Variants in HLTF observed in about 807,000 individuals in gnomAD.
The protein encoded by HLTF is helicase like transcription factor.
In HLTF, 127 loss-of-function variants were observed where a neutral mutation model predicts 129.4. That is an observed-to-expected ratio of 0.98 (90% confidence interval 0.85 to 1.14). HLTF has a LOEUF of 1.14. HLTF is among the 50% of genes most tolerant of loss of function. The probability of loss-of-function intolerance (pLI) is 0.00; values close to 1 mark genes in which losing one functional copy is unlikely to be tolerated. For synonymous variants in HLTF, 332 were observed against 388.8 expected (o/e 0.85, Z 1.72); for missense variants, 1,139 against 1,187.1 (o/e 0.96, Z 0.60).
intron 8 of HLTF, among the ~76,000 whole-genome samples, chr3:149,067,220 G>A (rs1271134244): frequency 6.6e-6 from 1 of 150,856 alleles, no homozygotes; most frequent in African/African-American, 2.4e-5. Flanking sequence ...AAATTTTCAA[G>A]AAAAGTCACC....
chr3:149,057,391 A>G (rs1444428513), intron 13 of HLTF, among the ~76,000 whole-genome samples: 1 of 152,148 alleles, frequency 6.6e-6, no homozygotes, highest in African/African-American at 2.4e-5. Flanking sequence ...GCACCACTGC[A>G]CTCTAGCCTG....
At chr3:149,051,096 G>A (rs1432550108) in intron 14 of HLTF, among the ~76,000 whole-genome samples, 1 of 152,024 alleles carries the variant, frequency 6.6e-6, no homozygotes, top group Non-Finnish European at 1.5e-5. Flanking sequence ...AAGGACAGGT[G>A]TGAAAAACAG....
intron 2 of HLTF, among the ~76,000 whole-genome samples, chr3:149,078,248 T>C (rs1719554474): frequency 6.6e-6 from 1 of 152,298 alleles, no homozygotes; most frequent in Admixed American, 6.5e-5. Context: ...TCAGTTATTT[T>C]AAATATGTTC....
intron 4 of HLTF, among the ~76,000 whole-genome samples, chr3:149,073,983 T>C (rs1355223968): frequency 6.6e-6 from 1 of 152,162 alleles, no homozygotes; most frequent in Admixed American, 6.5e-5. Flanking sequence ...ATACTTTTTC[T>C]TTAATTTTTT....
intron 23 of HLTF, 57 bp downstream of exon 23, chr3:149,038,992 G>T: frequency 2.9e-6 from 3 of 1,032,948 alleles, no homozygotes; most frequent in South Asian, 2.2e-5. Context: ...ATAGTTTTTT[G>T]TCTTATTTTT....
intron 15 of HLTF, 105 bp from the exon 16 acceptor site, chr3:149,049,106 T>G (rs1470677679): frequency 1.4e-6 from 1 of 731,020 alleles, no homozygotes; most frequent in East Asian, 2.7e-5. Flanking sequence ...AAATTTACTA[T>G]GTGCTAGGTA....
Position 149,065,605 on chromosome 3 carries a change from G to A in HLTF, c.991-739C>T, listed in dbSNP as rs543839545. 5.9e-4 allele frequency among the ~76,000 whole-genome samples: 90 copies of A among 152,174 alleles called. 1 individual carries two copies. Among genetic ancestry groups the A allele is most frequent in the African/African-American group, 2.0e-3 (81 of 41,520 alleles). ...AGCACTTTGGGAGACCGAGGCGGGCGGATCACCTAAGATCAGGAGCTCGAG... is the reference window on the plus strand; with the variant it reads ...AGCACTTTGGGAGACCGAGGCGGGCAGATCACCTAAGATCAGGAGCTCGAG... On this transcript the variant is annotated intron_variant, in intron 8 of 24. Transcript: ENST00000310053.
chr3:149,080,913 A>G (rs2108071176), intron 2 of HLTF, among the ~76,000 whole-genome samples: 1 of 152,330 alleles, frequency 6.6e-6, no homozygotes, highest in Admixed American at 6.5e-5. Context: ...CATTTCAGCA[A>G]TGACAGACCA....
At chr3:149,061,595 G>C (rs1684015035) in intron 10 of HLTF, among the ~76,000 whole-genome samples, 2 of 151,946 alleles carry the variant, frequency 1.3e-5, no homozygotes, top group South Asian at 4.2e-4. Flanking sequence ...CAGCACTTTG[G>C]GAGGCGGAGG....
intron 7 of HLTF, among the ~76,000 whole-genome samples, 156 bp from the exon 8 acceptor site, chr3:149,068,491 T>A (rs1046120784): frequency 6.6e-6 from 1 of 152,232 alleles, no homozygotes; most frequent in African/African-American, 2.4e-5. Context: ...TTCATTTAGT[T>A]AGAAAATGCT....
intron 2 of HLTF, among the ~76,000 whole-genome samples, chr3:149,081,816 G>A (rs1719898417): frequency 6.6e-6 from 1 of 152,084 alleles, no homozygotes; most frequent in South Asian, 2.1e-4. Flanking sequence ...AGAGTAACTA[G>A]AACCAAGGCA....
At chr3:149,066,717 G>A (rs1278291370) in intron 8 of HLTF, among the ~76,000 whole-genome samples, 1 of 152,030 alleles carries the variant, frequency 6.6e-6, no homozygotes, top group Non-Finnish European at 1.5e-5. Flanking sequence ...TAATAATTGA[G>A]ACTAAAGCAG....
chr3:149,060,328 C>T (rs1717816328), intron 12 of HLTF, among the ~76,000 whole-genome samples: 1 of 152,012 alleles, frequency 6.6e-6, no homozygotes, highest in Non-Finnish European at 1.5e-5. Flanking sequence ...ACATTCTCAA[C>T]CTAATTTTGT....
At chr3:149,064,764 T>A in intron 9 of HLTF, 27 bp downstream of exon 9, 1 of 1,324,418 alleles carries the variant, frequency 7.6e-7, no homozygotes, top group Non-Finnish European at 1.1e-6. Flanking sequence ...AGATCAAATA[T>A]TGGATCATTT....
chr3:149,055,652 T>C (rs1273779224), intron 13 of HLTF, among the ~76,000 whole-genome samples: 2 of 152,244 alleles, frequency 1.3e-5, no homozygotes, highest in Non-Finnish European at 2.9e-5. Context: ...TAATATTTTC[T>C]GATAGTCATA....
rs1250710642 is a variant in HLTF at position 149,073,338 on chromosome 3, T to C, written c.530-16A>G. 3.3e-6 allele frequency: 5 copies of C among 1,518,238 alleles called. No homozygotes were observed. The highest frequency in any genetic ancestry group is 4.5e-6 in the Non-Finnish European group (5 of 1,101,146). The allele number at this position is 1,518,238 out of a possible 1,614,324, so 94.0% of individuals were successfully genotyped here. A position where few individuals can be genotyped will look rare whatever the true frequency, so the allele number is the denominator to read the frequency against. ...AATCCTAAAGCTATAATTTACAAAATAAAAAGAATAAAGCCATCAAATAAA... is the reference window on the plus strand; with the variant it reads ...AATCCTAAAGCTATAATTTACAAAACAAAAAGAATAAAGCCATCAAATAAA... On this transcript the variant is annotated splice_polypyrimidine_tract_variant and intron_variant, in intron 4 of 24. Coordinates refer to ENST00000310053, the MANE Select transcript of HLTF (RefSeq NM_003071.4).
chr3:149,068,119 G>A (rs1361728593), intron 8 of HLTF, 121 bp downstream of exon 8: 3 of 573,858 alleles, frequency 5.2e-6, no homozygotes, highest in Non-Finnish European at 9.4e-6. Context: ...ATAAAAGACA[G>A]AGAGACCATT....
chr3:149,077,323 A>C (rs900120876), intron 2 of HLTF, among the ~76,000 whole-genome samples: 1 of 151,952 alleles, frequency 6.6e-6, no homozygotes, highest in Admixed American at 6.6e-5. Context: ...TCCTAGGTAA[A>C]GCCTGGCAGT....
At position 149,042,144 on chromosome 3, in the gene HLTF, T is replaced by A. The variant is rs1180033660; in HGVS notation, c.2197+22A>T. The A allele has an allele frequency of 2.5e-6, 4 of 1,606,608 alleles. No individual in the cohort carries two copies. In the African/African-American group the frequency reaches 4.0e-5, roughly 16 times the overall value. ...AGTATCTCTGACAAATACAATGATA[T>A]GAAGCAATCAAATTTACCTACCTGA... On this transcript the variant is annotated intron_variant, in intron 19 of 24. Transcript: ENST00000310053.
Sources: gnomAD v4.1 joint callset for allele counts (sites outside exome capture counted in the v4.1 genomes callset) on GRCh38, gnomAD v4.1.1 for gene constraint, MANE v1.5 for transcripts, NCBI Gene and HGNC (gene_info 2026-07-23, HGNC 2026-07-21) for gene names.